Variants in DPP9 observed in about 807,000 individuals in gnomAD.
DPP9 encodes dipeptidyl peptidase IV-related protein-2.
DPP9 carries 50 observed loss-of-function variants against 110.7 expected under a neutral mutation model. The observed-to-expected ratio is 0.45, with a 90% CI of 0.36 to 0.57. The LOEUF (loss-of-function observed/expected upper bound fraction) is 0.57, where lower values mean the gene tolerates loss of function less well. DPP9 is among the 20% of genes least tolerant of loss of function. The pLI is 0.00. For missense variants in DPP9, 1,022 were observed against 1,217.9 expected (o/e 0.84, Z 2.39); for synonymous variants, 561 against 514.4 (o/e 1.09, Z -1.23).
In DPP9 at chr19:4,706,449, C is replaced by T. The variant is rs540734238; in HGVS notation, c.314-479G>A. On this transcript the variant is annotated intron_variant, in intron 4 of 21. Transcript: ENST00000262960. The stretch of plus-strand genomic sequence containing the variant: ...CTCTCAACAGGTTGGGTTCGGCTCT[C>T]CAAGGCCCTTTATCAAGGCTTTTGC... Among the ~76,000 whole-genome samples the T allele has an allele frequency of 1.6e-4, 25 of 152,218 alleles. No individual in the cohort carries two copies. In the East Asian group the frequency reaches 4.6e-3, roughly 28 times the overall value.
Position 4,685,675 on chromosome 19 carries a change from T to A in DPP9, c.1982A>T (p.Gln661Leu). Residue 661 changes from glutamine to leucine, a missense_variant, in exon 17 of 22, where the codon CAG (glutamine) becomes CTG (leucine). Physicochemically the swap from Gln to Leu is moderately radical, Grantham distance 113 (BLOSUM62 -2). Around this residue, in one of 3 missense-constraint regions of DPP9, gnomAD observed 810 missense variants for 920.6 expected, o/e 0.88. Coordinates refer to ENST00000262960, the MANE Select transcript of DPP9 (RefSeq NM_139159.5). This position sits in a 1 kb window ranked among gnomAD's most constrained non-coding sequence, Gnocchi z 5.8. ...YGMIYKPHALQPGKKHPTVLF... is the reference protein window; with the variant it reads ...YGMIYKPHALLPGKKHPTVLF... Reference sequence around the variant, plus strand: ...GACGGTGGGGTGCTTCTTCCCTGGCTGCAAGGCGTGGGGCTTGTAGATCAT... The same window carrying A: ...GACGGTGGGGTGCTTCTTCCCTGGCAGCAAGGCGTGGGGCTTGTAGATCAT... 6.2e-7 allele frequency: 1 copy of A among 1,612,984 alleles called. No homozygotes were observed.
At chr19:4,709,809 TG>T (rs951261493) in intron 4 of DPP9, among the ~76,000 whole-genome samples, 4 of 128,874 alleles carry the variant, frequency 3.1e-5, no homozygotes, top group Non-Finnish European at 4.9e-5. Context: ...AAAAGCACCC[TG>T]GGCCAACAGG....
chr19:4,689,804 C>T lies in DPP9; in HGVS notation c.1597-82G>A. ...CCTCTCCACGCCCCACAGGAGTGGG[C>T]CCCATGTTCCTCGGACTGGGGACGC... is the stretch of plus-strand genomic sequence containing the variant. On this transcript the variant is annotated intron_variant, in intron 14 of 21. Transcript: ENST00000262960. The surrounding 1 kb of genome is among the most constrained non-coding windows in gnomAD (Gnocchi z 7.0). 7.2e-7 allele frequency: 1 copy of T among 1,392,130 alleles called. No homozygotes were observed. Among genetic ancestry groups the T allele is most frequent in the Admixed American group, 2.6e-5 (1 of 38,196 alleles). 86.2% of individuals were successfully genotyped at this position (1,392,130 alleles called of 1,614,324 possible). A position where few individuals can be genotyped will look rare whatever the true frequency, so the allele number is the denominator to read the frequency against.
intron 10 of DPP9, among the ~76,000 whole-genome samples, chr19:4,699,158 CAAAAAAAAAAAA>C (rs144927941): frequency 3.9e-5 from 2 of 50,936 alleles, no homozygotes; most frequent in African/African-American, 1.4e-4. Context: ...GACTCCACCT[CAAAAAAAAAAAA>C]AAAAAAAAAA....
Position 4,683,963 on chromosome 19 carries a change from C to G in DPP9, c.2179-334G>C, listed in dbSNP as rs183374547. 9.6e-6 allele frequency: 6 copies of G among 627,468 alleles called. No homozygotes were observed. The Admixed American group carries it at 1.9e-4, about 20-fold the overall frequency. 38.9% of individuals were successfully genotyped at this position (627,468 alleles called of 1,614,324 possible). On this transcript the variant is annotated intron_variant, in intron 18 of 21. Transcript: ENST00000262960. The stretch of plus-strand genomic sequence containing the variant: ...CACAAGGAAGAAAAAGACGGGTGCC[C>G]AGGCATGTGCAAGGGCACAAAGAAT...
Position 4,702,038 on chromosome 19 carries a change from T to A in DPP9, c.1001A>T (p.Tyr334Phe). The A allele has an allele frequency of 6.2e-7, 1 of 1,613,666 alleles. No homozygotes were observed. ...LEERKTDSYR[Y>F]PRTGSKNPKI... ...TACCGGGCACTCACCTGTCCTGGGGTACCGATACGAGTCCGTCTTCCTTTC... is the reference window on the plus strand; with the variant it reads ...TACCGGGCACTCACCTGTCCTGGGGAACCGATACGAGTCCGTCTTCCTTTC... Residue 334 changes from tyrosine to phenylalanine, a missense_variant, in exon 9 of 22, where the codon TAC becomes TTC. Tyr to Phe is a conservative substitution (Grantham distance 22, BLOSUM62 3). Transcript: ENST00000262960.
rs1404683352 is a variant in DPP9 at position 4,682,661 on chromosome 19, C to A, written c.2474+35G>T. 18 of 1,602,624 alleles carry A rather than the reference C, an allele frequency of 1.1e-5. No homozygotes were observed. The highest frequency in any genetic ancestry group is 1.5e-5 in the Non-Finnish European group (18 of 1,175,356). On this transcript the variant is annotated intron_variant, in intron 20 of 21. Transcript: ENST00000262960. This position sits in a 1 kb window ranked among gnomAD's most constrained non-coding sequence, Gnocchi z 7.1. ...CTGGTGCCGGGGTGCAGGAGAAGCCCCGGGGAGGAGCGCAGGGCAGGGCAG... is the reference window on the plus strand; with the variant it reads ...CTGGTGCCGGGGTGCAGGAGAAGCCACGGGGAGGAGCGCAGGGCAGGGCAG...
chr19:4,696,991 C>T (rs1388947412), intron 11 of DPP9, among the ~76,000 whole-genome samples: 2 of 151,812 alleles, frequency 1.3e-5, no homozygotes, highest in African/African-American at 2.4e-5. Context: ...CCCCTCTACT[C>T]AGGAGGCTGA....
At chr19:4,711,018 G>A (rs1290646934) in intron 4 of DPP9, among the ~76,000 whole-genome samples, 1 of 152,116 alleles carries the variant, frequency 6.6e-6, no homozygotes. Context: ...TCTTTGTCCC[G>A]GAAATTTGGA....
chr19:4,679,189 C>G (rs1201351853), intron 21 of DPP9: 1 of 152,360 alleles, frequency 6.6e-6, no homozygotes, highest in Non-Finnish European at 1.5e-5. Flanking sequence ...CCATTTACTG[C>G]GGAAGCCCCA....
chr19:4,695,559 AG>A lies in DPP9; in HGVS notation c.1176-5del. The A allele has an allele frequency of 6.8e-7, 1 of 1,466,854 alleles. No homozygotes were observed. Among genetic ancestry groups the A allele is most frequent in the Non-Finnish European group, 9.0e-7 (1 of 1,110,782 alleles). The allele number at this position is 1,466,854 out of a possible 1,614,324, so 90.9% of individuals were successfully genotyped here. ...GTCCAGGAACATGGCCCAGGCGCTAAGGGGGAAGATGCGGGGGAAGATGAGA... is the reference window on the plus strand; with the variant it reads ...GTCCAGGAACATGGCCCAGGCGCTAAGGGGAAGATGCGGGGGAAGATGAGA... On this transcript the variant is annotated splice_polypyrimidine_tract_variant and splice_region_variant and intron_variant, in intron 11 of 21. Transcript: ENST00000262960. This position sits in a 1 kb window ranked among gnomAD's most constrained non-coding sequence, Gnocchi z 4.7.
chr19:4,711,645 C>T (rs541331761), intron 4 of DPP9, among the ~76,000 whole-genome samples: 1 of 151,946 alleles, frequency 6.6e-6, no homozygotes, highest in African/African-American at 2.4e-5. Context: ...TGGTGGCAGG[C>T]ACCTGTAATC....
chr19:4,686,338 G>C (rs1178377394), intron 16 of DPP9, among the ~76,000 whole-genome samples: 1 of 64,034 alleles, frequency 1.6e-5, no homozygotes, highest in East Asian at 5.2e-4. Flanking sequence ...TTTTTTTTTT[G>C]AGACGGAGTC....
rs536276049 is a variant in DPP9 at position 4,723,805 on chromosome 19, G to A, written c.-220C>T. The A allele has an allele frequency of 6.5e-6, 1 of 154,462 alleles. No homozygotes were observed. The highest frequency in any genetic ancestry group is 2.4e-5 in the African/African-American group (1 of 41,510). The allele number at this position is 154,462 out of a possible 1,614,324, so 9.6% of individuals were successfully genotyped here. A position where few individuals can be genotyped will look rare whatever the true frequency, so the allele number is the denominator to read the frequency against. ...GGGGACGACAGCCGCGGCGGACACAGGGGACCCGCCGGCTCAGGCACCTTT... is the reference window on the plus strand; with the variant it reads ...GGGGACGACAGCCGCGGCGGACACAAGGGACCCGCCGGCTCAGGCACCTTT... On this transcript the variant is annotated 5_prime_UTR_variant, in exon 1 of 22. Coordinates refer to ENST00000262960, the MANE Select transcript of DPP9 (RefSeq NM_139159.5).
At chr19:4,681,794 T>C (rs1210384457) in intron 20 of DPP9, among the ~76,000 whole-genome samples, 1 of 150,992 alleles carries the variant, frequency 6.6e-6, no homozygotes, top group African/African-American at 2.4e-5. Context: ...CTCGAACTCC[T>C]ACCTTAAGCA....
Position 4,704,413 on chromosome 19 carries a change from G to A in DPP9, c.427-109C>T. 1 of 1,349,728 alleles carries A rather than the reference G, an allele frequency of 7.4e-7. No individual in the cohort carries two copies. The highest frequency in any genetic ancestry group is 1.0e-6 in the Non-Finnish European group (1 of 983,910). 83.6% of individuals were successfully genotyped at this position (1,349,728 alleles called of 1,614,324 possible). Reference sequence around the variant, plus strand: ...GCATTCCCAGGGAATCTGACTTCGGGCCTCGCCAGAGAGAACTTCCTGTAC... The same window carrying A: ...GCATTCCCAGGGAATCTGACTTCGGACCTCGCCAGAGAGAACTTCCTGTAC... On this transcript the variant is annotated intron_variant, in intron 5 of 21. Transcript: ENST00000262960. This position sits in a 1 kb window ranked among gnomAD's most constrained non-coding sequence, Gnocchi z 6.0.
chr19:4,688,606 G>A (rs770454537), intron 16 of DPP9, 151 bp downstream of exon 16: 134 of 1,018,518 alleles, frequency 1.3e-4, no homozygotes, highest in Non-Finnish European at 1.6e-4. Context: ...GTCCTATGAC[G>A]AGTTCCCAGA....
At chr19:4,707,614 C>CTTTTT (rs906371157) in intron 4 of DPP9, among the ~76,000 whole-genome samples, 1 of 78,406 alleles carries the variant, frequency 1.3e-5, no homozygotes, top group Non-Finnish European at 2.4e-5. Context: ...CTCATACTCG[C>CTTTTT]TTTTTTTTTT....
chr19:4,710,785 A>G lies in DPP9; in HGVS notation c.313+3296T>C, dbSNP rs2092794603. The stretch of plus-strand genomic sequence containing the variant: ...GCTCAGTGCTGCCCCTGACAGTGTG[A>G]AGTGACAGCCTGGAGTCGTTGAAGG... On this transcript the variant is annotated intron_variant, in intron 4 of 21. Coordinates refer to ENST00000262960, the MANE Select transcript of DPP9 (RefSeq NM_139159.5). This position sits in a 1 kb window ranked among gnomAD's most constrained non-coding sequence, Gnocchi z 5.6. Among the ~76,000 whole-genome samples, 1 of 152,042 alleles carries G rather than the reference A, an allele frequency of 6.6e-6. No individual in the cohort carries two copies. Among genetic ancestry groups the G allele is most frequent in the African/African-American group, 2.4e-5 (1 of 41,380 alleles).
Sources: gnomAD v4.1 joint callset for allele counts (sites outside exome capture counted in the v4.1 genomes callset) on GRCh38, gnomAD v4.1.1 for gene constraint, gnomAD v4.1.1 regional missense constraint, Gnocchi (gnomAD v3.1) non-coding constraint, MANE v1.5 for transcripts, NCBI Gene and HGNC (gene_info 2026-07-23, HGNC 2026-07-21) for gene names.